GABRB1: variants seen among roughly 807,000 people sequenced by gnomAD.
GABRB1 encodes gamma-aminobutyric acid type A receptor subunit beta1.
A neutral mutation model predicts 51.6 loss-of-function variants in GABRB1; 17 were observed. The ratio of observed to expected loss-of-function variants is 0.33; its 90% CI spans 0.23 to 0.49. The LOEUF (loss-of-function observed/expected upper bound fraction) is 0.49. GABRB1 is among the 20% of genes least tolerant of loss of function. GABRB1 has a pLI of 0.99. For synonymous variants in GABRB1, 247 were observed against 218.9 expected, an observed-to-expected ratio of 1.13 and a Z score of -1.14; for missense variants, 410 against 600.6, an observed-to-expected ratio of 0.68 and a Z score of 3.32.
intron 5 of GABRB1, among the ~76,000 whole-genome samples, chr4:47,321,698 G>A (rs1351500608): frequency 6.6e-6 from 1 of 152,180 alleles, no homozygotes; most frequent in Non-Finnish European, 1.5e-5. Context: ...AACTGATATA[G>A]AAAGAGAAGG....
intron 4 of GABRB1, among the ~76,000 whole-genome samples, chr4:47,295,090 C>A (rs1441307455): frequency 5.3e-5 from 8 of 152,120 alleles, no homozygotes; most frequent in Non-Finnish European, 8.8e-5. Context: ...AGGACATACA[C>A]AACAAAAACC....
At chr4:47,247,072 G>T (rs1721793183) in intron 4 of GABRB1, among the ~76,000 whole-genome samples, 1 of 151,906 alleles carries the variant, frequency 6.6e-6, no homozygotes. Context: ...ATTTACTTTT[G>T]GGTTCTTGGT....
chr4:47,079,742 G>C (rs191971688), intron 3 of GABRB1, among the ~76,000 whole-genome samples: 1 of 149,894 alleles, frequency 6.7e-6, no homozygotes, highest in Non-Finnish European at 1.5e-5. Flanking sequence ...GCAAACTATC[G>C]CAAGGACAAA....
chr4:47,121,125 T>C (rs184447992), intron 3 of GABRB1, among the ~76,000 whole-genome samples: 1 of 152,228 alleles, frequency 6.6e-6, no homozygotes, highest in East Asian at 1.9e-4. Flanking sequence ...TTAGTAAAAC[T>C]CAGGCTCTGA....
intron 5 of GABRB1, among the ~76,000 whole-genome samples, chr4:47,344,490 G>A (rs1726016842): frequency 6.6e-6 from 1 of 152,026 alleles, no homozygotes; most frequent in African/African-American, 2.4e-5. Flanking sequence ...TAGTTTGGAG[G>A]AAACAATACC....
chr4:47,183,782 G>A (rs957853984), intron 4 of GABRB1, among the ~76,000 whole-genome samples: 12 of 151,800 alleles, frequency 7.9e-5, no homozygotes, highest in African/African-American at 2.4e-4. Flanking sequence ...TTTGCTTTTC[G>A]GTTCTATTCC....
chr4:47,123,313 AATATTATAT>A lies in GABRB1; in HGVS notation c.241-37929_241-37921del, dbSNP rs1715872506. Among the ~76,000 whole-genome samples the A allele has an allele frequency of 5.3e-5, 7 of 133,182 alleles. No homozygotes were observed. The South Asian group carries it at 1.6e-3, about 30-fold the overall frequency. The allele number at this position is 133,182 out of a possible 152,430, so 87.4% of individuals were successfully genotyped here. A position where few individuals can be genotyped will look rare whatever the true frequency, so the allele number is the denominator to read the frequency against. ...TGATTATATATAATATGTATTATAT[AATATTATAT>A]ATATTAGATAATATTATATAATATA... On this transcript the variant is annotated intron_variant, in intron 3 of 8. Transcript: ENST00000295454.
At chr4:47,150,123 G>A (rs748072564) in intron 3 of GABRB1, among the ~76,000 whole-genome samples, 13 of 151,016 alleles carry the variant, frequency 8.6e-5, no homozygotes, top group East Asian at 1.9e-4. Context: ...ACATGGCATC[G>A]TACAAAGAAA....
intron 4 of GABRB1, among the ~76,000 whole-genome samples, chr4:47,163,262 C>T (rs541806546): frequency 6.6e-6 from 1 of 152,124 alleles, no homozygotes; most frequent in South Asian, 2.1e-4. Flanking sequence ...TATGACAATA[C>T]ATAGTAAGTC....
intron 4 of GABRB1, among the ~76,000 whole-genome samples, chr4:47,258,665 A>G (rs928308251): frequency 6.6e-6 from 1 of 152,220 alleles, no homozygotes; most frequent in African/African-American, 2.4e-5. Context: ...GTCAAGACTC[A>G]ATTTCCTACC....
chr4:47,065,692 C>T (rs1727047748), intron 3 of GABRB1, among the ~76,000 whole-genome samples: 1 of 152,128 alleles, frequency 6.6e-6, no homozygotes, highest in Non-Finnish European at 1.5e-5. Context: ...CTGTAAATAA[C>T]TCCTGCAAAT....
intron 1 of GABRB1, among the ~76,000 whole-genome samples, chr4:47,017,289 A>C (rs762477609): frequency 6.6e-6 from 1 of 152,246 alleles, no homozygotes; most frequent in African/African-American, 2.4e-5. Flanking sequence ...CACAACTGTC[A>C]GGGAAAAGTA....
rs546313586 is a variant in GABRB1 at position 47,252,635 on chromosome 4, G to A, written c.462-67492G>A. The stretch of plus-strand genomic sequence containing the variant: ...TGATTCTTCTGCCTCAGCCTCCCAA[G>A]TAGCTGGGGTTACAGGCACCCACCA... On this transcript the variant is annotated intron_variant, in intron 4 of 8. Transcript: ENST00000295454. Among the ~76,000 whole-genome samples the A allele has an allele frequency of 3.4e-5, 5 of 148,824 alleles. No homozygotes were observed. The South Asian group carries it at 1.1e-3, about 32-fold the overall frequency.
In GABRB1 at chr4:47,342,086, A is replaced by G. The variant is rs191108577; in HGVS notation, c.544+21877A>G. Among the ~76,000 whole-genome samples the G allele has an allele frequency of 7.7e-3, 1,178 of 152,300 alleles. 46 individuals are homozygous for G. The highest frequency in any genetic ancestry group is 0.062 in the Admixed American group (953 of 15,282). On this transcript the variant is annotated intron_variant, in intron 5 of 8. Coordinates refer to ENST00000295454, the MANE Select transcript of GABRB1 (RefSeq NM_000812.4). ...GACTAGTGTGCAGAAGTCTGATTTA[A>G]AGATTCAGTGAGCATATCCTATGCT...
intron 4 of GABRB1, among the ~76,000 whole-genome samples, chr4:47,166,111 A>G (rs1718173758): frequency 6.6e-6 from 1 of 152,110 alleles, no homozygotes. Flanking sequence ...TCTTTCAGAA[A>G]TCTAAGACCC....
chr4:47,422,566 A>T (rs1729122998), intron 8 of GABRB1, among the ~76,000 whole-genome samples: 1 of 151,988 alleles, frequency 6.6e-6, no homozygotes, highest in Non-Finnish European at 1.5e-5. Context: ...CCTTCTGGAC[A>T]CCCTTCTCCC....
intron 5 of GABRB1, among the ~76,000 whole-genome samples, chr4:47,345,890 C>A (rs995991492): frequency 6.6e-6 from 1 of 152,058 alleles, no homozygotes; most frequent in Non-Finnish European, 1.5e-5. Flanking sequence ...ACAAGCACAC[C>A]CACAATGCAT....
chr4:47,352,732 A>G (rs1480854721), intron 5 of GABRB1, among the ~76,000 whole-genome samples: 1 of 152,020 alleles, frequency 6.6e-6, no homozygotes, highest in Non-Finnish European at 1.5e-5. Context: ...CCTGATTGGC[A>G]TTTCAACACT....
intron 3 of GABRB1, among the ~76,000 whole-genome samples, chr4:47,063,163 G>A (rs1209727935): frequency 6.6e-6 from 1 of 152,102 alleles, no homozygotes; most frequent in African/African-American, 2.4e-5. Flanking sequence ...GTGTTCACTT[G>A]GCTGGAATGA....
Sources: gnomAD v4.1 joint callset for allele counts (sites outside exome capture counted in the v4.1 genomes callset) on GRCh38, gnomAD v4.1.1 for gene constraint, MANE v1.5 for transcripts, NCBI Gene and HGNC (gene_info 2026-07-23, HGNC 2026-07-21) for gene names.